The following HSPG2 variants were observed in gnomAD, a reference collection of about 807,000 sequenced individuals.
HSPG2 encodes the protein heparan sulfate proteoglycan 2, also known as basement membrane-specific heparan sulfate proteoglycan core protein.
A neutral mutation model predicts 526.6 loss-of-function variants in HSPG2; 278 were observed. That is an observed-to-expected ratio of 0.53 (90% CI 0.48 to 0.58). HSPG2 has a LOEUF of 0.58. HSPG2 is among the 20% of genes least tolerant of loss of function. The probability of loss-of-function intolerance (pLI) is 0.00; values close to 1 mark genes in which losing one functional copy is unlikely to be tolerated. For missense variants in HSPG2, 5,354 were observed against 6,099.5 expected (o/e 0.88, Z 4.07); for synonymous variants, 2,465 against 2,555.4 (o/e 0.96, Z 1.07).
At chr1:21,902,813 C>T (rs890843922) in intron 1 of HSPG2, among the ~76,000 whole-genome samples, 1 of 152,218 alleles carries the variant, frequency 6.6e-6, no homozygotes, top group Admixed American at 6.5e-5. Context: ...CCCAGCTTAG[C>T]CCCGCACTCA....
intron 50 of HSPG2, chr1:21,853,879 G>T: frequency 4.8e-6 from 2 of 415,142 alleles, no homozygotes; most frequent in East Asian, 5.4e-5. Context: ...AAAGTTAAAA[G>T]CTAGTTCAAG....
rs778722869 is a variant in HSPG2 at position 21,878,487 on chromosome 1, C to T, written c.2563G>A (p.Ala855Thr). Residue 855 changes from alanine to threonine, a missense_variant, in exon 20 of 97, where the codon GCC (alanine) becomes ACC (threonine). Ala to Thr is a moderately conservative substitution (Grantham distance 58). Transcript: ENST00000374695. Reference protein sequence around the residue: ...GYTGRRCESCAPGYEGNPIQP... With the variant: ...GYTGRRCESCTPGYEGNPIQP... ...ATGGGGTTGCCCTCGTATCCGGGGG[C>T]ACAGCTAGGGGAGAGAGGGGGCCGC... The T allele has an allele frequency of 8.1e-6, 13 of 1,612,220 alleles. No individual in the cohort carries two copies. The South Asian group carries it at 1.4e-4, about 18-fold the overall frequency.
chr1:21,902,828 G>A (rs762739061), intron 1 of HSPG2, among the ~76,000 whole-genome samples: 12 of 152,178 alleles, frequency 7.9e-5, no homozygotes, highest in East Asian at 5.8e-4. Flanking sequence ...CACTCACCAC[G>A]TTGCCTTGGA....
chr1:21,876,209 C>T lies in HSPG2; in HGVS notation c.3003+20G>A. On this transcript the variant is annotated intron_variant, in intron 23 of 96. Transcript: ENST00000374695. The stretch of plus-strand genomic sequence containing the variant: ...TTCCTGCTGCCTGGAGTTTCCTTTG[C>T]CTTTCCACCCACTACCCACCTTGTC... 6.3e-7 allele frequency: 1 copy of T among 1,592,586 alleles called. No homozygotes were observed. The highest frequency in any genetic ancestry group is 8.6e-7 in the Non-Finnish European group (1 of 1,169,080).
In HSPG2 at chr1:21,884,754, C is replaced by T. The variant is rs375436193; in HGVS notation, c.1507+13G>A. 1.9e-6 allele frequency: 3 copies of T among 1,613,100 alleles called. No individual in the cohort carries two copies. The highest frequency in any genetic ancestry group is 2.7e-5 in the African/African-American group (2 of 75,034). ...TGCCCCCACACCCGGTGACACCTGCCCTCCGGCAGTACCTCGTTGTGGGAC... is the reference window on the plus strand; with the variant it reads ...TGCCCCCACACCCGGTGACACCTGCTCTCCGGCAGTACCTCGTTGTGGGAC... On this transcript the variant is annotated intron_variant, in intron 12 of 96. Transcript: ENST00000374695.
At chr1:21,825,796 T>C (rs1311535141) in intron 91 of HSPG2, among the ~76,000 whole-genome samples, 1 of 152,190 alleles carries the variant, frequency 6.6e-6, no homozygotes, top group African/African-American at 2.4e-5. Flanking sequence ...TTTTATTTAT[T>C]TATTTTTGAG....
At position 21,848,725 on chromosome 1, in the gene HSPG2, T is replaced by C. The variant is rs778207030; in HGVS notation, c.7655A>G (p.Asp2552Gly). 1 of 1,613,574 alleles carries C rather than the reference T, an allele frequency of 6.2e-7. No individual in the cohort carries two copies. The highest frequency in any genetic ancestry group is 1.1e-5 in the South Asian group (1 of 91,050). The change falls in exon 59 of 97, where the codon GAC becomes GGC. Residue 2552 changes from aspartate to glycine, a missense_variant. Asp to Gly is a moderately conservative substitution (Grantham distance 94). Transcript: ENST00000374695. This position sits in a 1 kb window ranked among gnomAD's most constrained non-coding sequence, Gnocchi z 4.9. ...CTGGCTGGCAACCAGGCAGTTGAGG[T>C]CCAGGGTGTGTCCATTGGCCAGGGA... ...SASLANGHTL[D>G]LNCLVASQAP...
chr1:21,862,829 C>CTTT (rs6143159), intron 37 of HSPG2, among the ~76,000 whole-genome samples: 5 of 151,340 alleles, frequency 3.3e-5, no homozygotes, highest in African/African-American at 1.2e-4. Context: ...AATCTCAGGA[C>CTTT]GTGGGTGGAT....
intron 1 of HSPG2, among the ~76,000 whole-genome samples, chr1:21,927,197 G>T (rs1301267534): frequency 1.3e-5 from 2 of 152,158 alleles, no homozygotes; most frequent in Non-Finnish European, 2.9e-5. Flanking sequence ...CTTCCCCACC[G>T]ACTGGGATGG....
chr1:21,935,091 C>T (rs963426304), intron 1 of HSPG2, among the ~76,000 whole-genome samples: 1 of 148,258 alleles, frequency 6.7e-6, no homozygotes, highest in East Asian at 2.0e-4. Context: ...ATTTTCAGTA[C>T]AGATGGGGTT....
In HSPG2 at chr1:21,880,118, C is replaced by T. The variant is rs1265155140; in HGVS notation, c.2332G>A (p.Gly778Ser). 2 of 1,614,168 alleles carry T rather than the reference C, an allele frequency of 1.2e-6. No individual in the cohort carries two copies. Among genetic ancestry groups the T allele is most frequent in the East Asian group, 2.2e-5 (1 of 44,896 alleles). ...GHASSCDPVY[G>S]HCLNCQHNTE... Reference sequence around the variant, plus strand: ...CTGGCACTACTCACCAGGCAGTGGCCATACACAGGGTCACAGGAGCTGGCA... The same window carrying T: ...CTGGCACTACTCACCAGGCAGTGGCTATACACAGGGTCACAGGAGCTGGCA... The change falls in exon 17 of 97, where the codon GGC (glycine) becomes AGC (serine). Residue 778 changes from glycine (G) to serine (S), a missense_variant. Coordinates refer to ENST00000374695, the MANE Select transcript of HSPG2 (RefSeq NM_005529.7).
At chr1:21,877,072 A>AAAAAAAAAAAAG (rs1392119655) in intron 21 of HSPG2, among the ~76,000 whole-genome samples, 1 of 151,258 alleles carries the variant, frequency 6.6e-6, no homozygotes, top group African/African-American at 2.4e-5. Flanking sequence ...AAAAAAAAAA[A>AAAAAAAAAAAAG]AAAAGAAAAG....
intron 1 of HSPG2, among the ~76,000 whole-genome samples, chr1:21,901,462 G>A (rs1257164902): frequency 6.6e-6 from 1 of 152,098 alleles, no homozygotes; most frequent in Non-Finnish European, 1.5e-5. Flanking sequence ...GAGCCTGGCT[G>A]AGTGGGCAGG....
chr1:21,832,299 C>T (rs1011256482), intron 81 of HSPG2, among the ~76,000 whole-genome samples, 196 bp downstream of exon 81: 1 of 152,214 alleles, frequency 6.6e-6, no homozygotes, highest in Non-Finnish European at 1.5e-5. Context: ...GCAGCAGTCC[C>T]AAGTCTGAGG....
rs757899360 is a variant in HSPG2, at chr1:21,831,341, C to G, written c.11453-17G>C. 6.2e-7 allele frequency: 1 copy of G among 1,611,712 alleles called. No homozygotes were observed. The highest frequency in any genetic ancestry group is 8.5e-7 in the Non-Finnish European group (1 of 1,177,878). On this transcript the variant is annotated splice_polypyrimidine_tract_variant and intron_variant, in intron 83 of 96. Coordinates refer to ENST00000374695, the MANE Select transcript of HSPG2 (RefSeq NM_005529.7). ...GGACACAGCCTGGGAGGTGAGTGGG[C>G]AGGATGAGCACAGGGCAGGGTGTCC...
In HSPG2 at chr1:21,872,276, G is replaced by A. The variant is rs368917110; in HGVS notation, c.4131C>T (p.Pro1377=). The A allele has an allele frequency of 1.0e-5, 16 of 1,559,670 alleles. No individual in the cohort carries two copies. The African/African-American group carries it at 1.5e-4, about 15-fold the overall frequency. ...LTGEFTVEPV[P]EGAQLSFGNF... is the part of the protein sequence containing the mutation. ...TGCCAAAAGAGAGCTGGGCACCCTC[G>A]GGCACGGGTTCCACAGTGAATTCTC... Residue 1377 remains proline (P), a synonymous_variant, in exon 33 of 97, where the codon CCC becomes CCT. Transcript: ENST00000374695. The surrounding 1 kb of genome is among the most constrained non-coding windows in gnomAD (Gnocchi z 5.5).
intron 57 of HSPG2, among the ~76,000 whole-genome samples, 161 bp from the exon 58 acceptor site, chr1:21,849,192 A>C (rs1010349383): frequency 2.0e-5 from 3 of 152,236 alleles, no homozygotes; most frequent in African/African-American, 7.2e-5. Flanking sequence ...CTACCGCCCC[A>C]GTGTCAGGAC....
intron 76 of HSPG2, 86 bp downstream of exon 76, chr1:21,835,454 A>G: frequency 1.1e-6 from 1 of 879,894 alleles, no homozygotes; most frequent in Non-Finnish European, 1.9e-6. Flanking sequence ...GGGGATTCCT[A>G]GGGAACAGGG....
intron 38 of HSPG2, 36 bp from the exon 39 acceptor site, chr1:21,861,879 G>T: frequency 1.9e-6 from 3 of 1,613,166 alleles, no homozygotes; most frequent in Non-Finnish European, 2.5e-6. Flanking sequence ...GTCATGGGAA[G>T]CCCAATCTCC....
Sources: allele counts gnomAD v4.1 joint callset (sites outside exome capture counted in the v4.1 genomes callset), GRCh38; gene constraint gnomAD v4.1.1; non-coding constraint Gnocchi (gnomAD v3.1); transcripts MANE v1.5; gene names NCBI Gene and HGNC (gene_info 2026-07-23, HGNC 2026-07-21).